The following BPGM variants were observed in gnomAD, a reference collection of about 807,000 sequenced individuals.
BPGM encodes 2,3-bisphosphoglycerate mutase, erythrocyte.
BPGM carries 15 observed loss-of-function variants against 21.6 expected under a neutral mutation model. The observed-to-expected ratio is 0.70, with a 90% CI of 0.47 to 1.07. The LOEUF is 1.07. BPGM is among the 50% of genes least tolerant of loss of function. The pLI is 0.00. For missense variants in BPGM, 273 were observed against 319.0 expected (o/e 0.86, Z 1.10); for synonymous variants, 113 against 116.2 (o/e 0.97, Z 0.18).
At chr7:134,676,319 A>G (rs746981895) in intron 2 of BPGM, among the ~76,000 whole-genome samples, 1 of 152,242 alleles carries the variant, frequency 6.6e-6, no homozygotes, top group Non-Finnish European at 1.5e-5. Context: ...TGGTGAATCC[A>G]AGATGCTGAT....
rs1389886073 is a variant in BPGM, at chr7:134,675,442, G to GGGTCCAACTTCATTCTTT, written c.602-3410_602-3393dup. On this transcript the variant is annotated intron_variant, in intron 2 of 2. Coordinates refer to ENST00000344924, the MANE Select transcript of BPGM (RefSeq NM_001724.5). ...AATTTTTATATAAAGTATGAGTCAG[G>GGGTCCAACTTCATTCTTT]GGTCCAACTTCATTCTTTCACATAT... Among the ~76,000 whole-genome samples the GGGTCCAACTTCATTCTTT allele has an allele frequency of 3.3e-5, 5 of 151,962 alleles. No homozygotes were observed. The East Asian group carries it at 9.6e-4, about 29-fold the overall frequency.
At position 134,679,389 on chromosome 7, in the gene BPGM, TTC is replaced by T. The variant is rs1417750885; in HGVS notation, c.*360_*361del. On this transcript the variant is annotated 3_prime_UTR_variant, in exon 3 of 3. Coordinates refer to ENST00000344924, the MANE Select transcript of BPGM (RefSeq NM_001724.5). ...ATTGAGTCACCATTGACAGGCACTA[TTC>T]TAATCAGTAGTTCACTTTAATATTT... 7.5e-6 allele frequency: 2 copies of T among 267,528 alleles called. No homozygotes were observed. The highest frequency in any genetic ancestry group is 1.4e-5 in the Non-Finnish European group (2 of 138,158). The allele number at this position is 267,528 out of a possible 1,614,324, so 16.6% of individuals were successfully genotyped here.
chr7:134,661,682 G>A lies in BPGM; in HGVS notation c.175G>A (p.Val59Ile). Residue 59 changes from valine (V) to isoleucine (I), a missense_variant, in exon 2 of 3, where the codon GTC becomes ATC. Val to Ile is a conservative substitution (Grantham distance 29). Coordinates refer to ENST00000344924, the MANE Select transcript of BPGM (RefSeq NM_001724.5). The surrounding 1 kb of genome is among the most constrained non-coding windows in gnomAD (Gnocchi z 4.6). The stretch of plus-strand genomic sequence containing the variant: ...TGAGTTTGATCTTGTATTCACATCT[G>A]TCCTTAATCGGTCCATTCACACAGC... Reference protein sequence around the residue: ...NFEFDLVFTSVLNRSIHTAWL... With the variant: ...NFEFDLVFTSILNRSIHTAWL... The A allele has an allele frequency of 1.9e-6, 3 of 1,614,130 alleles. No homozygotes were observed. Among genetic ancestry groups the A allele is most frequent in the Non-Finnish European group, 2.5e-6 (3 of 1,180,016 alleles).
intron 1 of BPGM, among the ~76,000 whole-genome samples, chr7:134,648,088 G>A (rs892616505): frequency 1.6e-4 from 23 of 145,794 alleles, no homozygotes; most frequent in Non-Finnish European, 3.1e-4. Flanking sequence ...GTGAGCCACC[G>A]TGCCTGGCCT....
chr7:134,675,071 G>T (rs1000407549), intron 2 of BPGM, among the ~76,000 whole-genome samples: 1 of 151,986 alleles, frequency 6.6e-6, no homozygotes, highest in Admixed American at 6.6e-5. Context: ...TGGAGAAATG[G>T]CTGTTTAAAC....
chr7:134,648,806 T>A (rs1795511069), intron 1 of BPGM, among the ~76,000 whole-genome samples: 1 of 152,136 alleles, frequency 6.6e-6, no homozygotes, highest in Non-Finnish European at 1.5e-5. Context: ...CCATCTCGAT[T>A]TTTGCATCTT....
intron 1 of BPGM, among the ~76,000 whole-genome samples, chr7:134,652,093 A>C (rs906198172): frequency 6.6e-6 from 1 of 152,218 alleles, no homozygotes; most frequent in Non-Finnish European, 1.5e-5. Flanking sequence ...AAATGTCTTC[A>C]GTATTGCCTT....
chr7:134,660,029 A>G (rs1795705636), intron 1 of BPGM, among the ~76,000 whole-genome samples: 1 of 152,242 alleles, frequency 6.6e-6, no homozygotes, highest in African/African-American at 2.4e-5. Flanking sequence ...TGCATTTGCC[A>G]GGACATATTC....
intron 1 of BPGM, among the ~76,000 whole-genome samples, chr7:134,657,629 T>A (rs1475125710): frequency 6.6e-6 from 1 of 152,130 alleles, no homozygotes; most frequent in Admixed American, 6.5e-5. Flanking sequence ...GTATGAGGCA[T>A]GAGCACCCCC....
intron 2 of BPGM, among the ~76,000 whole-genome samples, chr7:134,662,341 G>T (rs558644477): frequency 6.6e-6 from 1 of 152,224 alleles, no homozygotes; most frequent in Non-Finnish European, 1.5e-5. Flanking sequence ...CACCTGGAGA[G>T]GTTGGTGTAT....
At chr7:134,652,872 A>G (rs1795578341) in intron 1 of BPGM, among the ~76,000 whole-genome samples, 1 of 152,054 alleles carries the variant, frequency 6.6e-6, no homozygotes, top group Non-Finnish European at 1.5e-5. Context: ...TTATCTGTTC[A>G]TCTGTTGATG....
At chr7:134,678,022 T>A (rs1796006967) in intron 2 of BPGM, among the ~76,000 whole-genome samples, 1 of 152,214 alleles carries the variant, frequency 6.6e-6, no homozygotes, top group African/African-American at 2.4e-5. Context: ...AGTTAATACA[T>A]ACAAAATGCT....
chr7:134,652,268 C>G (rs1425270861), intron 1 of BPGM, among the ~76,000 whole-genome samples: 1 of 152,138 alleles, frequency 6.6e-6, no homozygotes. Flanking sequence ...GTGTGGGATC[C>G]AGCTAGGCCA....
At chr7:134,678,218 C>T (rs139754751) in intron 2 of BPGM, among the ~76,000 whole-genome samples, 473 of 152,180 alleles carry the variant, frequency 3.1e-3, no homozygotes, top group African/African-American at 0.011. Flanking sequence ...TTATATATAC[C>T]TTCCTTTTTT....
intron 1 of BPGM, among the ~76,000 whole-genome samples, chr7:134,650,084 ATAAGT>A (rs779468028): frequency 2.0e-5 from 3 of 152,356 alleles, no homozygotes; most frequent in Middle Eastern, 6.8e-3. Context: ...AAGAATTTAA[ATAAGT>A]TAAGATCACA....
intron 1 of BPGM, among the ~76,000 whole-genome samples, chr7:134,656,034 G>C (rs140392890): frequency 6.6e-6 from 1 of 152,244 alleles, no homozygotes; most frequent in African/African-American, 2.4e-5. Context: ...TAAAGCCAGG[G>C]GTTCTCAAAA....
chr7:134,667,553 C>T (rs888319162), intron 2 of BPGM, among the ~76,000 whole-genome samples: 2 of 152,050 alleles, frequency 1.3e-5, no homozygotes, highest in Non-Finnish European at 2.9e-5. Flanking sequence ...AAAATAAAAA[C>T]GTAAAAATGA....
chr7:134,662,053 C>T lies in BPGM; in HGVS notation c.546C>T (p.Thr182=), dbSNP rs769984158. 35 of 1,613,970 alleles carry T rather than the reference C, an allele frequency of 2.2e-5. No individual in the cohort carries two copies. In the Admixed American group the frequency reaches 5.7e-4, roughly 26 times the overall value. ...CTCCCGAAGTATTACGTGGCAAAAC[C>T]ATTCTGATATCTGCTCATGGAAATA... ...RIAPEVLRGK[T]ILISAHGNSS... The change falls in exon 2 of 3, where the codon ACC becomes ACT. Residue 182 remains threonine (T), a synonymous_variant. Transcript: ENST00000344924.
chr7:134,659,830 A>G (rs982028876), intron 1 of BPGM, among the ~76,000 whole-genome samples: 2 of 152,238 alleles, frequency 1.3e-5, no homozygotes, highest in South Asian at 2.1e-4. Flanking sequence ...GTAATGGAGC[A>G]TATATAGACA....
Sources: allele counts gnomAD v4.1 joint callset (sites outside exome capture counted in the v4.1 genomes callset), GRCh38; gene constraint gnomAD v4.1.1; non-coding constraint Gnocchi (gnomAD v3.1); transcripts MANE v1.5; gene names NCBI Gene and HGNC (gene_info 2026-07-23, HGNC 2026-07-21).